The following ASH1L variants were observed in gnomAD, a reference collection of about 807,000 sequenced individuals.
ASH1L encodes the protein histone-lysine N-methyltransferase ASH1L.
ASH1L carries 23 observed loss-of-function variants against 269.0 expected under a neutral mutation model. That is an observed-to-expected ratio of 0.09 (90% CI 0.06 to 0.12). The LOEUF is 0.12. Ranked by LOEUF, ASH1L falls within the 10% of genes least tolerant of loss-of-function variation. ASH1L has a pLI of 1.00. For missense variants in ASH1L, 2,912 were observed against 3,567.8 expected, an observed-to-expected ratio of 0.82 and a Z score of 4.68; for synonymous variants, 1,187 against 1,253.5, an observed-to-expected ratio of 0.95 and a Z score of 1.12.
rs776271484 is a variant in ASH1L at position 155,479,493 on chromosome 1, C to G, written c.3377G>C (p.Gly1126Ala). 1 of 1,614,134 alleles carries G rather than the reference C, an allele frequency of 6.2e-7. No individual in the cohort carries two copies. Among genetic ancestry groups the G allele is most frequent in the Admixed American group, 1.7e-5 (1 of 60,020 alleles). ...TGGCACTGAACTGGGTTCAACAAAA[C>G]CTGCATCACTACTTACAGGGCTCTG... Reference protein sequence around the residue: ...GGQSPVSSDAGFVEPSSVPYL... With the variant: ...GGQSPVSSDAAFVEPSSVPYL... Residue 1126 changes from glycine (G) to alanine (A), a missense_variant, in exon 3 of 28, where the codon GGT becomes GCT. Transcript: ENST00000392403.
At chr1:155,501,556 A>G (rs1667503338) in intron 2 of ASH1L, among the ~76,000 whole-genome samples, 1 of 152,114 alleles carries the variant, frequency 6.6e-6, no homozygotes, top group Admixed American at 6.5e-5. Flanking sequence ...TTTTTAGTAG[A>G]GACCAGGTTT....
At chr1:155,409,629 T>C (rs1274921419) in intron 6 of ASH1L, among the ~76,000 whole-genome samples, 3 of 152,126 alleles carry the variant, frequency 2.0e-5, no homozygotes, top group African/African-American at 7.2e-5. Context: ...TTATTAAGTT[T>C]TATTTATTTT....
chr1:155,490,959 C>A (rs556947243), intron 2 of ASH1L, among the ~76,000 whole-genome samples: 5 of 96,356 alleles, frequency 5.2e-5, no homozygotes, highest in South Asian at 7.8e-4. Context: ...CAGGGTGAGA[C>A]CCTGATTCCA....
At position 155,479,408 on chromosome 1, in the gene ASH1L, G is replaced by A. The variant is rs1464891685; in HGVS notation, c.3462C>T (p.Ala1154=). The A allele has an allele frequency of 3.7e-6, 6 of 1,613,952 alleles. No individual in the cohort carries two copies. The African/African-American group carries it at 8.0e-5, about 22-fold the overall frequency. ...SMIQTLAMKK[A]SKGRRRLSPP... ...GAGATAACCGCCTCCTCCCCTTTGA[G>A]GCCTTCTTCATTGCAAGAGTCTGAA... Residue 1154 remains alanine (A), a synonymous_variant, in exon 3 of 28, where the codon GCC becomes GCT. Coordinates refer to ENST00000392403, the MANE Select transcript of ASH1L (RefSeq NM_018489.3).
rs1250878136 is a variant in ASH1L at position 155,411,582 on chromosome 1, AATAAATATATATATATATAT to A, written c.6008+4142_6008+4161del. The stretch of plus-strand genomic sequence containing the variant: ...ATATAAATATGAATATAAATAAATA[AATAAATATATATATATATAT>A]ATATATATATATATATGTTTTCATC... On this transcript the variant is annotated intron_variant, in intron 6 of 27. Transcript: ENST00000392403. Among the ~76,000 whole-genome samples, 33 of 48,414 alleles carry A rather than the reference AATAAATATATATATATATAT, an allele frequency of 6.8e-4. 2 individuals are homozygous for A. Among genetic ancestry groups the A allele is most frequent in the African/African-American group, 1.8e-3 (22 of 12,558 alleles). 31.8% of individuals were successfully genotyped at this position (48,414 alleles called of 152,430 possible). A position where few individuals can be genotyped will look rare whatever the true frequency, so the allele number is the denominator to read the frequency against.
At chr1:155,400,261 G>A (rs1404368942) in intron 6 of ASH1L, among the ~76,000 whole-genome samples, 2 of 151,926 alleles carry the variant, frequency 1.3e-5, no homozygotes, top group Non-Finnish European at 1.5e-5. Flanking sequence ...GAATCTAGGA[G>A]GCAGAGGTTG....
chr1:155,438,226 A>T, intron 5 of ASH1L, 101 bp downstream of exon 5: 1 of 1,265,180 alleles, frequency 7.9e-7, no homozygotes, highest in South Asian at 1.6e-5. Flanking sequence ...TATAGTAAAA[A>T]ATGAAAGGTT....
chr1:155,375,871 A>G (rs1656393451), intron 10 of ASH1L, among the ~76,000 whole-genome samples: 1 of 152,050 alleles, frequency 6.6e-6, no homozygotes, highest in South Asian at 2.1e-4. Flanking sequence ...TGTCCTTCAT[A>G]TAGTGAGATT....
chr1:155,556,752 T>TA (rs751340558), intron 1 of ASH1L, among the ~76,000 whole-genome samples: 78 of 152,216 alleles, frequency 5.1e-4, no homozygotes, highest in Middle Eastern at 6.8e-3. Flanking sequence ...AAAATATTTT[T>TA]AAATGAACAA....
intron 5 of ASH1L, among the ~76,000 whole-genome samples, chr1:155,436,730 C>T (rs910615016): frequency 6.7e-6 from 1 of 150,348 alleles, no homozygotes; most frequent in Non-Finnish European, 1.5e-5. Context: ...CTCCTGACCT[C>T]GTGATCCGCC....
At chr1:155,454,841 T>C (rs146663901) in intron 4 of ASH1L, among the ~76,000 whole-genome samples, 180 of 152,296 alleles carry the variant, frequency 1.2e-3, no homozygotes, top group East Asian at 6.4e-3. Flanking sequence ...TCAAGATAAA[T>C]TGATCTTAAC....
chr1:155,513,181 C>G (rs891580319), intron 2 of ASH1L, among the ~76,000 whole-genome samples: 2 of 152,004 alleles, frequency 1.3e-5, no homozygotes, highest in Admixed American at 6.6e-5. Context: ...TGTGGAAGAA[C>G]CAGAATACTT....
chr1:155,550,112 C>A (rs1276205903), intron 1 of ASH1L, among the ~76,000 whole-genome samples: 2 of 151,520 alleles, frequency 1.3e-5, no homozygotes, highest in African/African-American at 4.9e-5. Context: ...TCTCCACCTC[C>A]CGAGTTCAAG....
At chr1:155,526,085 A>G (rs1442557150) in intron 1 of ASH1L, among the ~76,000 whole-genome samples, 2 of 152,252 alleles carry the variant, frequency 1.3e-5, no homozygotes, top group East Asian at 3.9e-4. Context: ...GGAATCACAG[A>G]TAGGGAAGGC....
At chr1:155,463,763 C>G (rs924148844) in intron 3 of ASH1L, among the ~76,000 whole-genome samples, 1 of 152,008 alleles carries the variant, frequency 6.6e-6, no homozygotes, top group Non-Finnish European at 1.5e-5. Flanking sequence ...CCACTGCACT[C>G]CATCCTGGGC....
Position 155,478,667 on chromosome 1 carries a change from A to G in ASH1L, c.4203T>C (p.Tyr1401=). 1 of 1,614,106 alleles carries G rather than the reference A, an allele frequency of 6.2e-7. No individual in the cohort carries two copies. Among genetic ancestry groups the G allele is most frequent in the Non-Finnish European group, 8.5e-7 (1 of 1,180,022 alleles). The change falls in exon 3 of 28, where the codon TAT becomes TAC. Residue 1401 remains tyrosine, a synonymous_variant. Coordinates refer to ENST00000392403, the MANE Select transcript of ASH1L (RefSeq NM_018489.3). The surrounding 1 kb of genome is among the most constrained non-coding windows in gnomAD (Gnocchi z 4.6). ...LTAAPIGLGY[Y]GRYPPTLYPP... Reference sequence around the variant, plus strand: ...GATAAAGAGTGGGAGGATACCTTCCATAGTAACCTAATCCTATGGGAGCAG... The same window carrying G: ...GATAAAGAGTGGGAGGATACCTTCCGTAGTAACCTAATCCTATGGGAGCAG...
chr1:155,461,486 T>A (rs575798327), intron 3 of ASH1L, among the ~76,000 whole-genome samples: 1 of 152,164 alleles, frequency 6.6e-6, no homozygotes, highest in African/African-American at 2.4e-5. Flanking sequence ...TATTGTTGAA[T>A]CTTAACAACA....
chr1:155,504,375 G>T (rs1667690890), intron 2 of ASH1L, among the ~76,000 whole-genome samples: 1 of 152,110 alleles, frequency 6.6e-6, no homozygotes, highest in African/African-American at 2.4e-5. Flanking sequence ...AAAATACGTT[G>T]CAACTCACCC....
chr1:155,417,425 T>A (rs917993651), intron 5 of ASH1L, among the ~76,000 whole-genome samples: 1 of 152,196 alleles, frequency 6.6e-6, no homozygotes, highest in Admixed American at 6.6e-5. Context: ...TATGGGTGTC[T>A]CTTTTAGTAT....
Sources: gnomAD v4.1 joint callset for allele counts (sites outside exome capture counted in the v4.1 genomes callset) on GRCh38, gnomAD v4.1.1 for gene constraint, Gnocchi (gnomAD v3.1) non-coding constraint, MANE v1.5 for transcripts, NCBI Gene and HGNC (gene_info 2026-07-23, HGNC 2026-07-21) for gene names.